Variants in MTA3 observed in about 807,000 individuals in gnomAD.
MTA3 encodes the protein metastasis associated 1 family member 3.
MTA3 carries 34 observed loss-of-function variants against 83.5 expected under a neutral mutation model. That is an observed-to-expected ratio of 0.41 (90% CI 0.31 to 0.54). The LOEUF (loss-of-function observed/expected upper bound fraction) is 0.54, where lower values mean the gene tolerates loss of function less well. MTA3 is among the 20% of genes least tolerant of loss of function. The probability of loss-of-function intolerance (pLI) is 0.33; values close to 1 mark genes in which losing one functional copy is unlikely to be tolerated. For synonymous variants in MTA3, 303 were observed against 252.7 expected, an observed-to-expected ratio of 1.20 and a Z score of -1.89; for missense variants, 761 against 726.4, an observed-to-expected ratio of 1.05 and a Z score of -0.55.
chr2:42,749,640 G>A (rs1558642470), intron 16 of MTA3, among the ~76,000 whole-genome samples: 1 of 151,784 alleles, frequency 6.6e-6, no homozygotes, highest in Non-Finnish European at 1.5e-5. Flanking sequence ...GCTAATTTTT[G>A]TAGTTTTAGG....
intron 11 of MTA3, among the ~76,000 whole-genome samples, chr2:42,701,973 G>C (rs1665612331): frequency 6.6e-6 from 1 of 151,750 alleles, no homozygotes; most frequent in Non-Finnish European, 1.5e-5. Flanking sequence ...CACTTTGGGA[G>C]GCTGAGGTGG....
intron 2 of MTA3, among the ~76,000 whole-genome samples, chr2:42,536,720 G>A (rs1014004961): frequency 1.3e-5 from 2 of 151,682 alleles, no homozygotes; most frequent in South Asian, 2.1e-4. Context: ...TTAGCCGGGC[G>A]TGGTAGCAGG....
intron 6 of MTA3, among the ~76,000 whole-genome samples, chr2:42,651,272 G>C (rs1409008472): frequency 1.3e-5 from 2 of 152,214 alleles, no homozygotes; most frequent in Non-Finnish European, 2.9e-5. Flanking sequence ...ACGTGGATGT[G>C]AAGGACTAGG....
intron 3 of MTA3, among the ~76,000 whole-genome samples, chr2:42,592,888 C>T (rs540719696): frequency 1.2e-4 from 18 of 152,090 alleles, no homozygotes; most frequent in South Asian, 1.0e-3. Flanking sequence ...CGGTGGCTCA[C>T]GCCTGTAATC....
intron 4 of MTA3, among the ~76,000 whole-genome samples, chr2:42,638,373 G>C (rs1687386873): frequency 6.6e-6 from 1 of 151,888 alleles, no homozygotes; most frequent in African/African-American, 2.4e-5. Flanking sequence ...ATGAGAACAT[G>C]TCAGATAATT....
intron 2 of MTA3, among the ~76,000 whole-genome samples, chr2:42,539,519 C>G (rs1404720405): frequency 6.6e-6 from 1 of 151,166 alleles, no homozygotes; most frequent in African/African-American, 2.4e-5. Flanking sequence ...ATTATGGGAC[C>G]TACAATTCAA....
At chr2:42,544,112 CA>C (rs1676647560) in intron 2 of MTA3, among the ~76,000 whole-genome samples, 1 of 152,076 alleles carries the variant, frequency 6.6e-6, no homozygotes, top group African/African-American at 2.4e-5. Flanking sequence ...GCAGAATGTC[CA>C]GATGTCTCCT....
At chr2:42,588,423 C>G (rs1573089819) in intron 3 of MTA3, among the ~76,000 whole-genome samples, 2 of 152,118 alleles carry the variant, frequency 1.3e-5, no homozygotes, top group East Asian at 3.9e-4. Flanking sequence ...GGTGTCAGTT[C>G]TTTGTTCTTC....
intron 3 of MTA3, among the ~76,000 whole-genome samples, chr2:42,596,744 A>G (rs560213762): frequency 6.6e-6 from 1 of 152,174 alleles, no homozygotes; most frequent in South Asian, 2.1e-4. Context: ...TACTTCTGTC[A>G]TTGTGTGGCT....
At chr2:42,666,766 C>T (rs1009888359) in intron 8 of MTA3, among the ~76,000 whole-genome samples, 2 of 152,122 alleles carry the variant, frequency 1.3e-5, no homozygotes, top group Non-Finnish European at 2.9e-5. Flanking sequence ...TTTTCCTCAC[C>T]ATTGAATTCC....
At chr2:42,629,633 T>G (rs995654333) in intron 4 of MTA3, among the ~76,000 whole-genome samples, 1 of 152,052 alleles carries the variant, frequency 6.6e-6, no homozygotes, top group Non-Finnish European at 1.5e-5. Context: ...TTAAGGCTTT[T>G]GGAGTGAGCC....
Position 42,639,312 on chromosome 2 carries a change from A to T in MTA3, c.318-861A>T, listed in dbSNP as rs114675262. Among the ~76,000 whole-genome samples, 656 of 152,192 alleles carry T rather than the reference A, an allele frequency of 4.3e-3. 5 individuals are homozygous for T. Among genetic ancestry groups the T allele is most frequent in the African/African-American group, 0.015 (630 of 41,512 alleles). ...AGATGTCTTAATTTTTGTTTAGAAA[A>T]TCAAATGATCTTACGACATTTTAAA... On this transcript the variant is annotated intron_variant, in intron 4 of 16. Transcript: ENST00000405094.
At chr2:42,653,582 A>G (rs1340449897) in intron 6 of MTA3, among the ~76,000 whole-genome samples, 2 of 152,140 alleles carry the variant, frequency 1.3e-5, no homozygotes, top group African/African-American at 4.8e-5. Context: ...GAGAATTTCT[A>G]TATTTATTTT....
chr2:42,639,447 T>A (rs2104295686), intron 4 of MTA3, among the ~76,000 whole-genome samples: 1 of 152,280 alleles, frequency 6.6e-6, no homozygotes, highest in South Asian at 2.1e-4. Flanking sequence ...TAGGGTCATT[T>A]TGAAAGTGCT....
intron 8 of MTA3, among the ~76,000 whole-genome samples, chr2:42,661,286 C>T (rs2104376626): frequency 1.3e-5 from 2 of 152,002 alleles, no homozygotes; most frequent in Middle Eastern, 6.8e-3. Flanking sequence ...ATTGCTTGAG[C>T]TCAGGAGTTT....
intron 2 of MTA3, among the ~76,000 whole-genome samples, chr2:42,513,289 T>TA (rs1464323835): frequency 1.3e-5 from 2 of 152,242 alleles, no homozygotes; most frequent in Non-Finnish European, 2.9e-5. Context: ...AAATGAGCAT[T>TA]ACTTGGGATA....
intron 16 of MTA3, among the ~76,000 whole-genome samples, chr2:42,752,888 A>T (rs936207266): frequency 5.9e-5 from 9 of 151,886 alleles, no homozygotes; most frequent in Non-Finnish European, 1.2e-4. Flanking sequence ...GGCCCTAATT[A>T]AACTTTCCCT....
intron 11 of MTA3, among the ~76,000 whole-genome samples, chr2:42,701,201 C>G (rs1026037358): frequency 6.8e-6 from 1 of 147,550 alleles, no homozygotes; most frequent in Non-Finnish European, 1.5e-5. Flanking sequence ...ACTCAGGAGG[C>G]TGAGGTGGGA....
intron 16 of MTA3, among the ~76,000 whole-genome samples, chr2:42,745,081 C>T (rs1393680934): frequency 6.6e-6 from 1 of 152,236 alleles, no homozygotes; most frequent in African/African-American, 2.4e-5. Context: ...GCTCAGAAAA[C>T]ATCTGAGTTA....
Sources: gnomAD v4.1 joint callset for allele counts (sites outside exome capture counted in the v4.1 genomes callset) on GRCh38, gnomAD v4.1.1 for gene constraint, MANE v1.5 for transcripts, NCBI Gene and HGNC (gene_info 2026-07-23, HGNC 2026-07-21) for gene names.